PPARGC1A: variants seen among roughly 807,000 people sequenced by gnomAD.
PPARGC1A encodes PPARG coactivator 1 alpha.
Under a neutral mutation model 88.7 loss-of-function variants are expected in PPARGC1A, and 25 were observed. That is an observed-to-expected ratio of 0.28 (90% CI 0.21 to 0.39). The LOEUF (loss-of-function observed/expected upper bound fraction) is 0.39. PPARGC1A is among the 10% of genes least tolerant of loss of function. The pLI is 1.00. For synonymous variants in PPARGC1A, 363 were observed against 355.6 expected (o/e 1.02, Z -0.24); for missense variants, 880 against 968.7 (o/e 0.91, Z 1.22).
chr4:24,111,538 A>G, the PPARGC1A span, among the ~76,000 whole-genome samples: 1 of 152,232 alleles, frequency 6.6e-6, no homozygotes, highest in African/African-American at 2.4e-5. Flanking sequence ...ATGATTAGAC[A>G]AAACATGGTT....
chr4:24,212,781 C>T, the PPARGC1A span, among the ~76,000 whole-genome samples: 1 of 152,324 alleles, frequency 6.6e-6, no homozygotes, highest in African/African-American at 2.4e-5. Flanking sequence ...AAGCACTAAG[C>T]ACTTGGCAGC....
At chr4:23,846,952 T>C (rs1260405932) in intron 2 of PPARGC1A, among the ~76,000 whole-genome samples, 2 of 152,206 alleles carry the variant, frequency 1.3e-5, no homozygotes, top group Non-Finnish European at 2.9e-5. Flanking sequence ...AAAGGTTTTC[T>C]TCTGACTCTT....
At chr4:24,159,751 C>T in the PPARGC1A span, among the ~76,000 whole-genome samples, 10 of 152,334 alleles carry the variant, frequency 6.6e-5, no homozygotes, top group South Asian at 1.4e-3. Context: ...AATGTACAAG[C>T]ATCAGCTGTG....
the PPARGC1A span, among the ~76,000 whole-genome samples, chr4:24,225,195 A>G: frequency 6.6e-6 from 1 of 152,218 alleles, no homozygotes; most frequent in Admixed American, 6.5e-5. Flanking sequence ...GAGAAAGGAA[A>G]GAATCAGTGA....
chr4:23,937,309 T>C, the PPARGC1A span, among the ~76,000 whole-genome samples: 1 of 152,104 alleles, frequency 6.6e-6, no homozygotes, highest in Non-Finnish European at 1.5e-5. Context: ...ATCTTCAAAA[T>C]ATCCCCATGC....
At chr4:23,810,011 C>T (rs1720588076) in intron 10 of PPARGC1A, among the ~76,000 whole-genome samples, 3 of 152,168 alleles carry the variant, frequency 2.0e-5, no homozygotes, top group Admixed American at 1.3e-4. Context: ...ATGGTTGAAG[C>T]TCCTTGGATA....
At chr4:23,918,285 T>C in the PPARGC1A span, among the ~76,000 whole-genome samples, 1 of 152,004 alleles carries the variant, frequency 6.6e-6, no homozygotes, top group African/African-American at 2.4e-5. Context: ...TGCAGTGGCA[T>C]GATCTCTGTT....
At chr4:24,047,461 T>C in the PPARGC1A span, among the ~76,000 whole-genome samples, 2 of 152,148 alleles carry the variant, frequency 1.3e-5, no homozygotes, top group Non-Finnish European at 2.9e-5. Context: ...GCTAAGTGCT[T>C]TACATATATC....
At chr4:24,233,809 G>A in the PPARGC1A span, among the ~76,000 whole-genome samples, 6 of 151,984 alleles carry the variant, frequency 3.9e-5, no homozygotes, top group East Asian at 1.9e-4. Flanking sequence ...AAGTTAAAGC[G>A]CTTACAAGGC....
At chr4:24,424,257 A>AC in the PPARGC1A span, among the ~76,000 whole-genome samples, 31 of 67,222 alleles carry the variant, frequency 4.6e-4, no homozygotes, top group Non-Finnish European at 8.2e-4. Context: ...CTATACACAC[A>AC]CTTTTTTTTT....
chr4:24,224,331 T>G, the PPARGC1A span, among the ~76,000 whole-genome samples: 1 of 152,052 alleles, frequency 6.6e-6, no homozygotes, highest in East Asian at 1.9e-4. Context: ...AAGGGGTCAG[T>G]AGGTTGCTGA....
intron 10 of PPARGC1A, among the ~76,000 whole-genome samples, chr4:23,804,965 T>C (rs1719502865): frequency 6.6e-6 from 1 of 152,212 alleles, no homozygotes; most frequent in Non-Finnish European, 1.5e-5. Flanking sequence ...TACTGTTTAA[T>C]GTCCACTTCC....
upstream of PPARGC1A, among the ~76,000 whole-genome samples, chr4:23,901,684 T>A (rs367628825): frequency 1.5e-3 from 221 of 152,100 alleles, no homozygotes; most frequent in Middle Eastern, 3.4e-3. Context: ...ATATCTGAAA[T>A]ACACACAGAG....
chr4:23,811,660 C>A (rs989785982), intron 10 of PPARGC1A, among the ~76,000 whole-genome samples: 1 of 152,070 alleles, frequency 6.6e-6, no homozygotes, highest in African/African-American at 2.4e-5. Flanking sequence ...AAAGCCTACC[C>A]ACTAGTCAGC....
At chr4:24,199,691 A>G in the PPARGC1A span, among the ~76,000 whole-genome samples, 1 of 152,192 alleles carries the variant, frequency 6.6e-6, no homozygotes, top group Non-Finnish European at 1.5e-5. Context: ...TCAAAAAACA[A>G]AAGTGTAAGG....
At chr4:23,876,681 G>T (rs1005567781) in intron 2 of PPARGC1A, among the ~76,000 whole-genome samples, 11 of 152,042 alleles carry the variant, frequency 7.2e-5, no homozygotes, top group African/African-American at 2.7e-4. Context: ...CTGAGCAGAA[G>T]TTCAGAAAAG....
the PPARGC1A span, among the ~76,000 whole-genome samples, chr4:24,319,447 T>C: frequency 5.9e-5 from 9 of 152,262 alleles, no homozygotes; most frequent in African/African-American, 2.2e-4. Context: ...TCAAGAAAGA[T>C]AGACTATGAA....
chr4:24,063,646 C>T, the PPARGC1A span, among the ~76,000 whole-genome samples: 31 of 152,252 alleles, frequency 2.0e-4, no homozygotes, highest in African/African-American at 7.5e-4. Context: ...TATGACGTTG[C>T]AGCTTCCATA....
chr4:24,376,147 A>T, the PPARGC1A span, among the ~76,000 whole-genome samples: 1 of 152,244 alleles, frequency 6.6e-6, no homozygotes, highest in African/African-American at 2.4e-5. Context: ...GATTATCATC[A>T]ACATCATTAA....
Sources: allele counts gnomAD v4.1 joint callset (sites outside exome capture counted in the v4.1 genomes callset), GRCh38; gene constraint gnomAD v4.1.1; transcripts MANE v1.5; gene names NCBI Gene and HGNC (gene_info 2026-07-23, HGNC 2026-07-21).